SNRK: variants seen among roughly 807,000 people sequenced by gnomAD.
SNRK encodes SNF-related serine/threonine-protein kinase.
SNRK carries 3 observed loss-of-function variants against 48.2 expected under a neutral mutation model. That is an observed-to-expected ratio of 0.06 (90% CI 0.03 to 0.16). SNRK has a LOEUF of 0.16. Ranked by LOEUF, SNRK falls within the 10% of genes least tolerant of loss-of-function variation. The probability of loss-of-function intolerance (pLI) is 1.00; values close to 1 mark genes in which losing one functional copy is unlikely to be tolerated. For synonymous variants in SNRK, 376 were observed against 366.1 expected (o/e 1.03, Z -0.31); for missense variants, 627 against 976.0 (o/e 0.64, Z 4.76).
chr3:43,342,540 T>G (rs2091245050), intron 5 of SNRK, among the ~76,000 whole-genome samples: 1 of 152,216 alleles, frequency 6.6e-6, no homozygotes. Flanking sequence ...GTCTCTTGCT[T>G]CTTTCCTAAG....
intron 3 of SNRK, among the ~76,000 whole-genome samples, chr3:43,329,215 G>T (rs1340214286): frequency 6.6e-6 from 1 of 152,128 alleles, no homozygotes; most frequent in Non-Finnish European, 1.5e-5. Context: ...GAGGTGGATG[G>T]ATCATGAGGT....
At position 43,347,467 on chromosome 3, in the gene SNRK, G is replaced by C; in HGVS notation, c.1208G>C (p.Arg403Thr). The change falls in exon 7 of 7, where the codon AGG becomes ACG. Residue 403 changes from arginine to threonine, a missense_variant. By Grantham distance (71) the Arg-to-Thr change is moderately conservative. Around this residue, in one of 4 missense-constraint regions of SNRK, gnomAD observed 175 missense variants for 209.7 expected, o/e 0.83. Coordinates refer to ENST00000296088, the MANE Select transcript of SNRK (RefSeq NM_017719.5). The surrounding 1 kb of genome is among the most constrained non-coding windows in gnomAD (Gnocchi z 5.4). ...GCTGACAGTGTCCTCAATGGCCACA[G>C]GAGCAAAGGCCTGTGTGACTCAGCT... ...RAADSVLNGH[R>T]SKGLCDSAKK... 4 of 1,614,068 alleles carry C rather than the reference G, an allele frequency of 2.5e-6. No individual in the cohort carries two copies. The highest frequency in any genetic ancestry group is 3.4e-6 in the Non-Finnish European group (4 of 1,180,014).
chr3:43,322,951 C>CAAA (rs55847039), intron 3 of SNRK, among the ~76,000 whole-genome samples: 5,127 of 72,614 alleles, frequency 0.071, 772 homozygotes, highest in African/African-American at 0.26. Context: ...GACTCCGTCT[C>CAAA]AAAAAAAAAA....
chr3:43,331,794 C>T (rs1025636244), intron 3 of SNRK, among the ~76,000 whole-genome samples: 5 of 152,088 alleles, frequency 3.3e-5, no homozygotes, highest in African/African-American at 7.2e-5. Flanking sequence ...AATTCTTTTC[C>T]GGTCTCAGAG....
Position 43,349,327 on chromosome 3 carries a change from AGT to A in SNRK, c.*773_*774del, listed in dbSNP as rs1007352575. On this transcript the variant is annotated 3_prime_UTR_variant, in exon 7 of 7. Transcript: ENST00000296088. ...GATGATGTCTTAACTCTACTTAGAG[AGT>A]GTATGTCTGTCTAACAGAACAAAAA... is the stretch of plus-strand genomic sequence containing the variant. The A allele has an allele frequency of 2.6e-5, 4 of 152,662 alleles. No homozygotes were observed. The highest frequency in any genetic ancestry group is 9.7e-5 in the African/African-American group (4 of 41,446). 9.5% of individuals were successfully genotyped at this position (152,662 alleles called of 1,614,324 possible). A position where few individuals can be genotyped will look rare whatever the true frequency, so the allele number is the denominator to read the frequency against.
At chr3:43,294,572 A>T (rs1399461330) in intron 1 of SNRK, among the ~76,000 whole-genome samples, 1 of 152,116 alleles carries the variant, frequency 6.6e-6, no homozygotes, top group Non-Finnish European at 1.5e-5. Context: ...TTTTCACCTT[A>T]GGGATGCTCA....
At chr3:43,341,292 A>T (rs2091234717) in intron 5 of SNRK, among the ~76,000 whole-genome samples, 1 of 152,074 alleles carries the variant, frequency 6.6e-6, no homozygotes, top group South Asian at 2.1e-4. Context: ...CTGGGACTAC[A>T]GGTGCCTGCA....
intron 4 of SNRK, among the ~76,000 whole-genome samples, chr3:43,338,327 C>A (rs950200726): frequency 6.6e-6 from 1 of 152,190 alleles, no homozygotes; most frequent in Admixed American, 6.5e-5. Context: ...GTTATTTATG[C>A]TCCTAAAAGA....
chr3:43,344,385 C>G (rs1441836310), intron 6 of SNRK, among the ~76,000 whole-genome samples: 1 of 152,140 alleles, frequency 6.6e-6, no homozygotes, highest in African/African-American at 2.4e-5. Flanking sequence ...AAGAGTGCTG[C>G]TGATTCTGAG....
intron 1 of SNRK, among the ~76,000 whole-genome samples, chr3:43,287,521 G>A (rs13069409): frequency 0.017 from 2,570 of 152,268 alleles, 33 homozygotes; most frequent in Middle Eastern, 0.031. Flanking sequence ...AGAGGTCTGA[G>A]GATATGGGAC....
At chr3:43,342,235 T>C (rs1220541787) in intron 5 of SNRK, among the ~76,000 whole-genome samples, 2 of 152,196 alleles carry the variant, frequency 1.3e-5, no homozygotes, top group African/African-American at 2.4e-5. Context: ...GTTTGTTGGT[T>C]TCCCGATAGC....
intron 1 of SNRK, among the ~76,000 whole-genome samples, chr3:43,298,541 G>A (rs1372740106): frequency 6.6e-6 from 1 of 152,100 alleles, no homozygotes; most frequent in African/African-American, 2.4e-5. Context: ...ATATCCAGAG[G>A]TCAACCACCT....
In SNRK at chr3:43,321,060, G is replaced by A. The variant is rs189200227; in HGVS notation, c.590-11109G>A. Among the ~76,000 whole-genome samples, 7 of 151,648 alleles carry A rather than the reference G, an allele frequency of 4.6e-5. No individual in the cohort carries two copies. The East Asian group carries it at 1.4e-3, about 30-fold the overall frequency. ...TAGTTTTGTACTCAGTTATCAGTTT[G>A]TGAGGTGAGGTACCTTGCCCTGTAT... On this transcript the variant is annotated intron_variant, in intron 3 of 6. Coordinates refer to ENST00000296088, the MANE Select transcript of SNRK (RefSeq NM_017719.5).
chr3:43,295,044 A>G lies in SNRK; in HGVS notation c.-168-4710A>G, dbSNP rs142483255. On this transcript the variant is annotated intron_variant, in intron 1 of 6. Transcript: ENST00000296088. ...GTCACCATACTAATTTTTAAGTCCT[A>G]CTTACACGTAGGCAGAAATGATGAC... Among the ~76,000 whole-genome samples, 479 of 152,288 alleles carry G rather than the reference A, an allele frequency of 3.1e-3. 3 individuals are homozygous for G. The highest frequency in any genetic ancestry group is 9.2e-3 in the African/African-American group (381 of 41,554).
At chr3:43,319,854 A>C (rs2091040893) in intron 3 of SNRK, among the ~76,000 whole-genome samples, 2 of 152,172 alleles carry the variant, frequency 1.3e-5, no homozygotes, top group Non-Finnish European at 2.9e-5. Context: ...AATGAGTCCT[A>C]GACTCTTAGA....
At chr3:43,312,199 A>G (rs1050994755) in intron 3 of SNRK, among the ~76,000 whole-genome samples, 10 of 152,332 alleles carry the variant, frequency 6.6e-5, no homozygotes, top group African/African-American at 1.9e-4. Context: ...CAATTATGCA[A>G]TAATCAATGA....
At position 43,332,299 on chromosome 3, in the gene SNRK, A is replaced by G; in HGVS notation, c.720A>G (p.Lys240=). 6.8e-7 allele frequency: 1 copy of G among 1,466,304 alleles called. No homozygotes were observed. 90.8% of individuals were successfully genotyped at this position (1,466,304 alleles called of 1,614,324 possible). Residue 240 remains lysine (K), a synonymous_variant, in exon 4 of 7, where the codon AAA becomes AAG. Transcript: ENST00000296088. ...ATACAGTACCATCCCATGTGTCTAA[A>G]GAGTGTAAAGAGTAAGTAAAACAAA... ...CKYTVPSHVS[K]ECKDLITRML... is the part of the protein sequence containing the mutation.
chr3:43,318,363 A>C (rs574759817), intron 3 of SNRK, among the ~76,000 whole-genome samples: 18 of 152,280 alleles, frequency 1.2e-4, no homozygotes, highest in African/African-American at 4.3e-4. Flanking sequence ...AGATAAAAAA[A>C]AATGAAAGTC....
chr3:43,314,669 T>A (rs2091001865), intron 3 of SNRK, among the ~76,000 whole-genome samples: 1 of 152,182 alleles, frequency 6.6e-6, no homozygotes, highest in South Asian at 2.1e-4. Flanking sequence ...AAATATTTTT[T>A]AAAGGATCAC....
Sources: gnomAD v4.1 joint callset for allele counts (sites outside exome capture counted in the v4.1 genomes callset) on GRCh38, gnomAD v4.1.1 for gene constraint, gnomAD v4.1.1 regional missense constraint, Gnocchi (gnomAD v3.1) non-coding constraint, MANE v1.5 for transcripts, NCBI Gene and HGNC (gene_info 2026-07-23, HGNC 2026-07-21) for gene names.